Variants in ZSWIM6 observed in about 807,000 individuals in gnomAD.
ZSWIM6 encodes zinc finger SWIM domain-containing protein 6.
ZSWIM6 carries 9 observed loss-of-function variants against 113.2 expected under a neutral mutation model. The observed-to-expected ratio is 0.08, with a 90% CI of 0.05 to 0.14. The LOEUF (loss-of-function observed/expected upper bound fraction) is 0.14. Among genes scored for constraint, ZSWIM6 ranks in the 10% least tolerant of loss-of-function variants. The pLI is 1.00. For missense variants in ZSWIM6, 1,162 were observed against 1,552.2 expected (o/e 0.75, Z 4.22); for synonymous variants, 611 against 606.5 (o/e 1.01, Z -0.11).
chr5:61,479,927 T>TA (rs397787456), intron 2 of ZSWIM6, among the ~76,000 whole-genome samples: 1 of 151,884 alleles, frequency 6.6e-6, no homozygotes, highest in African/African-American at 2.4e-5. Context: ...TTTTTTTTTT[T>TA]AAGTCTTTTA....
chr5:61,460,582 CTTCTT>C (rs1188499387), intron 1 of ZSWIM6, among the ~76,000 whole-genome samples: 1 of 152,214 alleles, frequency 6.6e-6, no homozygotes, highest in East Asian at 1.9e-4. Context: ...GATATTATCT[CTTCTT>C]ATTTCCAAAT....
At chr5:61,399,458 C>T (rs1354231718) in intron 1 of ZSWIM6, among the ~76,000 whole-genome samples, 2 of 151,950 alleles carry the variant, frequency 1.3e-5, no homozygotes, top group Non-Finnish European at 2.9e-5. Context: ...AACATAAGAC[C>T]TTCTTTTGCC....
At chr5:61,462,021 C>T in intron 1 of ZSWIM6, among the ~76,000 whole-genome samples, 1 of 152,156 alleles carries the variant, frequency 6.6e-6, no homozygotes, top group East Asian at 1.9e-4. Flanking sequence ...GATTTTCTTC[C>T]CAGCTGGCTC....
rs34203086 is a variant in ZSWIM6, at chr5:61,343,885, C to CTT, written c.676+10951_676+10952dup. Reference sequence around the variant, plus strand: ...GTTTCCTTATCCTTAGCACTTTGGACTTTTTTTTTTTTTTTGGTGAGACAG... The same window carrying CTT: ...GTTTCCTTATCCTTAGCACTTTGGACTTTTTTTTTTTTTTTTTGGTGAGACAG... On this transcript the variant is annotated intron_variant, in intron 1 of 13. Transcript: ENST00000252744. Among the ~76,000 whole-genome samples the CTT allele has an allele frequency of 1.8e-3, 255 of 138,030 alleles. 1 individual carries two copies. The highest frequency in any genetic ancestry group is 7.6e-3 in the Middle Eastern group (2 of 264). 90.6% of individuals were successfully genotyped at this position (138,030 alleles called of 152,430 possible). A position where few individuals can be genotyped will look rare whatever the true frequency, so the allele number is the denominator to read the frequency against.
chr5:61,351,693 A>G (rs982195045), intron 1 of ZSWIM6, among the ~76,000 whole-genome samples: 2 of 152,124 alleles, frequency 1.3e-5, no homozygotes, highest in Admixed American at 6.6e-5. Context: ...CCTATTCCAC[A>G]TTCTATTTTT....
At chr5:61,397,830 G>A (rs1050717662) in intron 1 of ZSWIM6, among the ~76,000 whole-genome samples, 42 of 152,122 alleles carry the variant, frequency 2.8e-4, no homozygotes, top group African/African-American at 9.9e-4. Context: ...CTTAATCCAC[G>A]TTGAGAGGGA....
intron 2 of ZSWIM6, among the ~76,000 whole-genome samples, chr5:61,476,369 C>T (rs1395276863): frequency 6.6e-6 from 1 of 152,124 alleles, no homozygotes; most frequent in African/African-American, 2.4e-5. Context: ...AGTCTACTGA[C>T]TTATCCAAGG....
chr5:61,507,206 T>C (rs983627990), intron 4 of ZSWIM6, among the ~76,000 whole-genome samples: 2 of 152,182 alleles, frequency 1.3e-5, no homozygotes, highest in Non-Finnish European at 2.9e-5. Context: ...AAAATTCCAA[T>C]GGTATCTTTT....
At position 61,494,331 on chromosome 5, in the gene ZSWIM6, G is replaced by A; in HGVS notation, c.1254G>A (p.Met418Ile). 6.4e-7 allele frequency: 1 copy of A among 1,551,142 alleles called. No homozygotes were observed. Among genetic ancestry groups the A allele is most frequent in the South Asian group, 1.2e-5 (1 of 84,046 alleles). ...RMLTLITEQF[M>I]ADPRLSLWRQ... The stretch of plus-strand genomic sequence containing the variant: ...TGACCTTGATAACAGAGCAATTCAT[G>A]GCTGACCCTCGCCTGTCACTTTGGC... The change falls in exon 4 of 14, where the codon ATG (methionine) becomes ATA (isoleucine). Residue 418 changes from methionine (M) to isoleucine (I), a missense_variant. By Grantham distance (10) the Met-to-Ile change is conservative (BLOSUM62 1). Transcript: ENST00000252744.
At chr5:61,513,534 T>C (rs538863960) in intron 4 of ZSWIM6, among the ~76,000 whole-genome samples, 48 of 152,250 alleles carry the variant, frequency 3.2e-4, no homozygotes, top group African/African-American at 1.1e-3. Context: ...ATTTTGTATG[T>C]AACATTATCT....
intron 1 of ZSWIM6, among the ~76,000 whole-genome samples, chr5:61,398,865 C>T (rs370056027): frequency 4.5e-5 from 6 of 134,826 alleles, no homozygotes; most frequent in South Asian, 4.8e-4. Flanking sequence ...GAGCTTATGG[C>T]GGAATGGTAG....
chr5:61,446,903 G>A (rs1226917083), intron 1 of ZSWIM6, among the ~76,000 whole-genome samples: 1 of 152,028 alleles, frequency 6.6e-6, no homozygotes, highest in Non-Finnish European at 1.5e-5. Context: ...CCCTAGCCAT[G>A]CAATAGCAAT....
chr5:61,544,448 CGTTTGCAGACTAAAT>C lies in ZSWIM6; in HGVS notation c.*132_*146del. 4.3e-6 allele frequency: 2 copies of C among 462,544 alleles called. No homozygotes were observed. Among genetic ancestry groups the C allele is most frequent in the South Asian group, 6.5e-5 (1 of 15,344 alleles). 28.7% of individuals were successfully genotyped at this position (462,544 alleles called of 1,614,324 possible). A position where few individuals can be genotyped will look rare whatever the true frequency, so the allele number is the denominator to read the frequency against. The stretch of plus-strand genomic sequence containing the variant: ...GTATTATATGTGTATAGTTATATTG[CGTTTGCAGACTAAAT>C]TGTCATGTTGTGAAAGTTTGTGTGT... On this transcript the variant is annotated 3_prime_UTR_variant, in exon 14 of 14. Transcript: ENST00000252744.
chr5:61,332,514 C>G lies in ZSWIM6; in HGVS notation c.242C>G (p.Ala81Gly). 1 of 1,320,244 alleles carries G rather than the reference C, an allele frequency of 7.6e-7. No individual in the cohort carries two copies. The highest frequency in any genetic ancestry group is 9.9e-7 in the Non-Finnish European group (1 of 1,006,346). 81.8% of individuals were successfully genotyped at this position (1,320,244 alleles called of 1,614,324 possible). ...TQSPESLLDI[A>G]ARRVAEKWPF... ...AGCCCCGAGTCGCTGCTGGACATCG[C>G]GGCGCGCAGGGTGGCGGAGAAGTGG... The change falls in exon 1 of 14, where the codon GCG becomes GGG. Residue 81 changes from alanine (A) to glycine (G), a missense_variant. Coordinates refer to ENST00000252744, the MANE Select transcript of ZSWIM6 (RefSeq NM_020928.2).
chr5:61,354,516 A>C (rs931168375), intron 1 of ZSWIM6, among the ~76,000 whole-genome samples: 1 of 152,216 alleles, frequency 6.6e-6, no homozygotes, highest in African/African-American at 2.4e-5. Flanking sequence ...TTTAAGCCCC[A>C]AAAGTATGTA....
At chr5:61,467,310 CAAAAT>C (rs975941271) in intron 1 of ZSWIM6, among the ~76,000 whole-genome samples, 5 of 152,086 alleles carry the variant, frequency 3.3e-5, no homozygotes, top group African/African-American at 1.2e-4. Context: ...GTTCTCAAAA[CAAAAT>C]ATTTTAGTGA....
chr5:61,518,673 A>G (rs1487524791), intron 4 of ZSWIM6, among the ~76,000 whole-genome samples: 1 of 152,078 alleles, frequency 6.6e-6, no homozygotes, highest in African/African-American at 2.4e-5. Context: ...AGTTCATTGT[A>G]GATTCTGGAT....
intron 1 of ZSWIM6, among the ~76,000 whole-genome samples, chr5:61,437,423 G>T (rs1746732291): frequency 6.6e-6 from 1 of 152,060 alleles, no homozygotes; most frequent in African/African-American, 2.4e-5. Flanking sequence ...ATTAGACTAT[G>T]TAAAAAAACA....
At chr5:61,369,823 TA>T (rs1401719227) in intron 1 of ZSWIM6, among the ~76,000 whole-genome samples, 1 of 152,222 alleles carries the variant, frequency 6.6e-6, no homozygotes, top group Non-Finnish European at 1.5e-5. Flanking sequence ...GCAATATTAC[TA>T]AAAATGATTT....
Sources: gnomAD v4.1 joint callset for allele counts (sites outside exome capture counted in the v4.1 genomes callset) on GRCh38, gnomAD v4.1.1 for gene constraint, MANE v1.5 for transcripts, NCBI Gene and HGNC (gene_info 2026-07-23, HGNC 2026-07-21) for gene names.